Variants in NOS1 observed in about 807,000 individuals in gnomAD.
The protein encoded by NOS1 is NOS type I.
In NOS1, 51 loss-of-function variants were observed where a neutral mutation model predicts 164.5. The ratio of observed to expected loss-of-function variants is 0.31; its 90% confidence interval spans 0.25 to 0.39. The LOEUF is 0.39. Among genes scored for constraint, NOS1 ranks in the 10% least tolerant of loss-of-function variants. NOS1 has a pLI of 1.00. For synonymous variants in NOS1, 719 were observed against 745.8 expected (o/e 0.96, Z 0.59); for missense variants, 1,362 against 1,885.6 (o/e 0.72, Z 5.14).
chr12:117,291,964 C>T (rs111979755), intron 3 of NOS1, among the ~76,000 whole-genome samples: 5,141 of 152,132 alleles, frequency 0.034, 310 homozygotes, highest in African/African-American at 0.12. Flanking sequence ...CACCCTGATG[C>T]GAAAGCCAAG....
rs1017038720 is a variant in NOS1, at chr12:117,259,272, T to A, written c.2368-142A>T. On this transcript the variant is annotated intron_variant, in intron 14 of 28. Coordinates refer to ENST00000317775, the MANE Select transcript of NOS1 (RefSeq NM_000620.5). ...GTGAGTCATTTTGGGTCATCTCCTT[T>A]GGAAGGAGAACCAAAAGATCTGAGG... 4 of 619,290 alleles carry A rather than the reference T, an allele frequency of 6.5e-6. No homozygotes were observed. The South Asian group carries it at 7.9e-5, about 12-fold the overall frequency. The allele number at this position is 619,290 out of a possible 1,614,324, so 38.4% of individuals were successfully genotyped here.
intron 3 of NOS1, chr12:117,301,980 C>A (rs1873842017): frequency 2.2e-6 from 1 of 456,620 alleles, no homozygotes; most frequent in African/African-American, 2.0e-5. Context: ...CTCAGGGCTC[C>A]ATGGCCTGGG....
At chr12:117,341,214 G>A (rs1350839333) in intron 1 of NOS1, among the ~76,000 whole-genome samples, 1 of 152,190 alleles carries the variant, frequency 6.6e-6, no homozygotes, top group African/African-American at 2.4e-5. Context: ...AAAAGGTACG[G>A]ACACGTGGAC....
chr12:117,213,752 C>T lies in NOS1; in HGVS notation c.*1557G>A. ...GTAGAACCAGCAGAACATTCCCTTT[C>T]CATCCTTGGGGACCCTGCAGTCTGG... On this transcript the variant is annotated 3_prime_UTR_variant, in exon 29 of 29. Transcript: ENST00000317775. 1.0e-6 allele frequency: 1 copy of T among 985,444 alleles called. No homozygotes were observed. The highest frequency in any genetic ancestry group is 1.2e-6 in the Non-Finnish European group (1 of 829,940). The allele number at this position is 985,444 out of a possible 1,614,324, so 61.0% of individuals were successfully genotyped here.
chr12:117,272,225 T>C lies in NOS1; in HGVS notation c.1839+160A>G, dbSNP rs543688018. Among the ~76,000 whole-genome samples, 2 of 152,330 alleles carry C rather than the reference T, an allele frequency of 1.3e-5. No individual in the cohort carries two copies. The highest frequency in any genetic ancestry group is 2.1e-4 in the South Asian group (1 of 4,824). ...GTTATTTTCATTGTTGTTAAAGACA[T>C]GGATGCCCCTGGCATTTCCAGGGGC... On this transcript the variant is annotated intron_variant, in intron 10 of 28. Transcript: ENST00000317775. The surrounding 1 kb of genome is among the most constrained non-coding windows in gnomAD (Gnocchi z 4.3).
intron 3 of NOS1, among the ~76,000 whole-genome samples, chr12:117,291,023 G>C (rs1873021381): frequency 2.0e-5 from 3 of 152,116 alleles, no homozygotes; most frequent in African/African-American, 7.2e-5. Flanking sequence ...GATCAGCCTG[G>C]CCAACTTGGT....
At chr12:117,321,927 T>G (rs948770793) in intron 2 of NOS1, among the ~76,000 whole-genome samples, 17 of 143,682 alleles carry the variant, frequency 1.2e-4, no homozygotes, top group African/African-American at 4.4e-4. Flanking sequence ...CCTCCCTCCT[T>G]CCTTCCCTCC....
chr12:117,231,372 T>G (rs973135495), intron 22 of NOS1, among the ~76,000 whole-genome samples: 2 of 151,734 alleles, frequency 1.3e-5, no homozygotes, highest in African/African-American at 2.4e-5. Context: ...ACAAGGTGAC[T>G]ATAGTCAACA....
At position 117,240,941 on chromosome 12, in the gene NOS1, C is replaced by CTT. The variant is rs11398507; in HGVS notation, c.3041+1684_3041+1685dup. 1.9e-3 allele frequency among the ~76,000 whole-genome samples: 266 copies of CTT among 138,964 alleles called. 2 individuals are homozygous for CTT. Among genetic ancestry groups the CTT allele is most frequent in the East Asian group, 8.8e-3 (41 of 4,666 alleles). The allele number at this position is 138,964 out of a possible 152,430, so 91.2% of individuals were successfully genotyped here. On this transcript the variant is annotated intron_variant, in intron 20 of 28. Coordinates refer to ENST00000317775, the MANE Select transcript of NOS1 (RefSeq NM_000620.5). ...CCTTGTATAAGTAATTTTTCTTTTT[C>CTT]TTTTTTTTTTTTTTTTGAGACAGAG...
Position 117,278,026 on chromosome 12 carries a change from C to T in NOS1, c.1597G>A (p.Gly533Ser), listed in dbSNP as rs1873324485. The T allele has an allele frequency of 2.5e-6, 4 of 1,614,028 alleles. No individual in the cohort carries two copies. The highest frequency in any genetic ancestry group is 3.4e-6 in the Non-Finnish European group (4 of 1,179,950). The change falls in exon 9 of 29, where the codon GGC becomes AGC. Residue 533 changes from glycine to serine, a missense_variant. Around this residue, in one of 4 missense-constraint regions of NOS1, gnomAD observed 134 missense variants for 267.3 expected, o/e 0.50. Coordinates refer to ENST00000317775, the MANE Select transcript of NOS1 (RefSeq NM_000620.5). ...DVLPLLLQAN[G>S]NDPELFQIPP... ...ATCTGGAAGAGCTCAGGGTCATTGC[C>T]GTTGGCCTGAAGCAGGAGCGGCAGG...
In NOS1 at chr12:117,209,469, A is replaced by G. The variant is rs772399503; in HGVS notation, c.*5840T>C. On this transcript the variant is annotated 3_prime_UTR_variant, in exon 29 of 29. Coordinates refer to ENST00000317775, the MANE Select transcript of NOS1 (RefSeq NM_000620.5). ...CTGGGCACTTCGATGTCCTGGAGTTACTTTCTAAAAGACTACAGGAAGCAG... is the reference window on the plus strand; with the variant it reads ...CTGGGCACTTCGATGTCCTGGAGTTGCTTTCTAAAAGACTACAGGAAGCAG... 1.2e-5 allele frequency: 12 copies of G among 985,380 alleles called. No individual in the cohort carries two copies. The highest frequency in any genetic ancestry group is 1.4e-5 in the Non-Finnish European group (12 of 829,956). The allele number at this position is 985,380 out of a possible 1,614,324, so 61.0% of individuals were successfully genotyped here. A position where few individuals can be genotyped will look rare whatever the true frequency, so the allele number is the denominator to read the frequency against.
rs142534312 is a variant in NOS1 at position 117,349,256 on chromosome 12, C to T, written c.-421+12256G>A. The stretch of plus-strand genomic sequence containing the variant: ...GTCTGGCTTCTTTCACTCAGCATCA[C>T]GCTTTTGAGGTTCATCCATGTTACA... On this transcript the variant is annotated intron_variant, in intron 1 of 28. Transcript: ENST00000317775. Among the ~76,000 whole-genome samples, 16 of 152,340 alleles carry T rather than the reference C, an allele frequency of 1.1e-4. No individual in the cohort carries two copies. The East Asian group carries it at 1.9e-3, about 18-fold the overall frequency.
rs1032645306 is a variant in NOS1 at position 117,214,135 on chromosome 12, A to G, written c.*1174T>C. ...ATGGCAACTCTTTCCAACCTCATCCACTTTAACCAGCTTCCATTATTTCAT... is the reference window on the plus strand; with the variant it reads ...ATGGCAACTCTTTCCAACCTCATCCGCTTTAACCAGCTTCCATTATTTCAT... On this transcript the variant is annotated 3_prime_UTR_variant, in exon 29 of 29. Coordinates refer to ENST00000317775, the MANE Select transcript of NOS1 (RefSeq NM_000620.5). 5.1e-6 allele frequency: 5 copies of G among 985,184 alleles called. No individual in the cohort carries two copies. The African/African-American group carries it at 5.2e-5, about 10-fold the overall frequency. 61.0% of individuals were successfully genotyped at this position (985,184 alleles called of 1,614,324 possible). A position where few individuals can be genotyped will look rare whatever the true frequency, so the allele number is the denominator to read the frequency against.
At chr12:117,292,231 GTGA>G (rs1480354131) in intron 3 of NOS1, among the ~76,000 whole-genome samples, 1 of 152,168 alleles carries the variant, frequency 6.6e-6, no homozygotes, top group Non-Finnish European at 1.5e-5. Flanking sequence ...ATAATTCCAG[GTGA>G]TGATAAGAAT....
At chr12:117,236,668 G>C (rs1008454184) in intron 20 of NOS1, among the ~76,000 whole-genome samples, 2 of 152,182 alleles carry the variant, frequency 1.3e-5, no homozygotes, top group Admixed American at 6.5e-5. Context: ...CCAGCAGGGG[G>C]CGCTGTGGGG....
At position 117,232,046 on chromosome 12, in the gene NOS1, C is replaced by G; in HGVS notation, c.3321G>C (p.Thr1107=). The G allele has an allele frequency of 1.2e-6, 2 of 1,612,456 alleles. No homozygotes were observed. The highest frequency in any genetic ancestry group is 1.7e-6 in the Non-Finnish European group (2 of 1,180,006). The change falls in exon 22 of 29, where the codon ACG becomes ACC. Residue 1107 remains threonine (T), a synonymous_variant. Transcript: ENST00000317775. ...GCTGCAGCTGCAGAGGCGTTGGTGG[C>G]GTGGTGATGTCCAGGTAGTACTTGA... ...QAFKYYLDIT[T]PPTPLQLQQF...
intron 2 of NOS1, among the ~76,000 whole-genome samples, chr12:117,323,545 G>A (rs576341495): frequency 6.6e-6 from 1 of 152,218 alleles, no homozygotes; most frequent in African/African-American, 2.4e-5. Context: ...TCGCCATCAG[G>A]AAAACAAAGT....
intron 20 of NOS1, among the ~76,000 whole-genome samples, chr12:117,239,578 A>G (rs1869999016): frequency 2.0e-5 from 3 of 152,204 alleles, no homozygotes; most frequent in Admixed American, 2.0e-4. Context: ...TTTGTCTGCA[A>G]TTAGTGGTCT....
At chr12:117,229,914 G>C (rs1263438939) in intron 22 of NOS1, among the ~76,000 whole-genome samples, 4 of 150,856 alleles carry the variant, frequency 2.7e-5, no homozygotes, top group Admixed American at 1.3e-4. Flanking sequence ...ATGGGGTCTT[G>C]CTTTATTTAT....
Sources: allele counts gnomAD v4.1 joint callset (sites outside exome capture counted in the v4.1 genomes callset), GRCh38; gene constraint gnomAD v4.1.1; regional missense constraint gnomAD v4.1.1; non-coding constraint Gnocchi (gnomAD v3.1); transcripts MANE v1.5; gene names NCBI Gene and HGNC (gene_info 2026-07-23, HGNC 2026-07-21).